Variants in SNTG2 observed in about 807,000 individuals in gnomAD.
SNTG2 encodes syntrophin gamma 2.
SNTG2 carries 74 observed loss-of-function variants against 70.9 expected under a neutral mutation model. The observed-to-expected ratio is 1.04, with a 90% CI of 0.86 to 1.27. The LOEUF (loss-of-function observed/expected upper bound fraction) is 1.27, where lower values mean the gene tolerates loss of function less well. SNTG2 is among the 50% of genes most tolerant of loss of function. The pLI is 0.00. For synonymous variants in SNTG2, 278 were observed against 273.8 expected (o/e 1.02, Z -0.15); for missense variants, 717 against 690.7 (o/e 1.04, Z -0.43).
rs1276166323 is a variant in SNTG2, at chr2:1,203,682, A to G, written c.592-5421A>G. Reference sequence around the variant, plus strand: ...AACAAACAAAAAAAAAAATATATATATATATATATGTGTGTGTGTGTGTGT... The same window carrying G: ...AACAAACAAAAAAAAAAATATATATGTATATATATGTGTGTGTGTGTGTGT... On this transcript the variant is annotated intron_variant, in intron 8 of 16. Coordinates refer to ENST00000308624, the MANE Select transcript of SNTG2 (RefSeq NM_018968.4). 7.6e-5 allele frequency among the ~76,000 whole-genome samples: 11 copies of G among 144,150 alleles called. No homozygotes were observed. In the East Asian group the frequency reaches 2.0e-3, roughly 26 times the overall value. The allele number at this position is 144,150 out of a possible 152,430, so 94.6% of individuals were successfully genotyped here. A position where few individuals can be genotyped will look rare whatever the true frequency, so the allele number is the denominator to read the frequency against.
chr2:1,179,798 G>A (rs538699238), intron 8 of SNTG2, among the ~76,000 whole-genome samples: 2,141 of 144,506 alleles, frequency 0.015, 51 homozygotes, highest in African/African-American at 0.05. Context: ...GAGGCATCAC[G>A]CTACCTGACT....
intron 1 of SNTG2, among the ~76,000 whole-genome samples, chr2:1,000,865 A>G (rs943055922): frequency 7.9e-5 from 12 of 152,008 alleles, no homozygotes; most frequent in African/African-American, 2.9e-4. Flanking sequence ...CAAAATCCTC[A>G]AGAAAGTACT....
intron 13 of SNTG2, among the ~76,000 whole-genome samples, chr2:1,261,644 A>G (rs780765763): frequency 3.9e-5 from 6 of 152,092 alleles, no homozygotes; most frequent in Non-Finnish European, 8.8e-5. Flanking sequence ...CATCCTCTCA[A>G]CCTAAAGATA....
At chr2:960,656 G>T (rs966912932) in intron 1 of SNTG2, among the ~76,000 whole-genome samples, 5 of 150,714 alleles carry the variant, frequency 3.3e-5, no homozygotes, top group African/African-American at 1.2e-4. Flanking sequence ...TCTGAAGGGG[G>T]TGCTCCTACT....
intron 1 of SNTG2, among the ~76,000 whole-genome samples, chr2:962,217 G>C (rs1232035901): frequency 6.6e-6 from 1 of 152,156 alleles, no homozygotes; most frequent in East Asian, 1.9e-4. Flanking sequence ...GGAACCACAG[G>C]CACATGCCAC....
intron 8 of SNTG2, among the ~76,000 whole-genome samples, chr2:1,180,831 A>G (rs1028844382): frequency 1.3e-5 from 2 of 152,072 alleles, no homozygotes; most frequent in African/African-American, 4.8e-5. Flanking sequence ...ATGTCCAACA[A>G]TGATAGACTG....
chr2:1,315,653 C>T (rs919296632), intron 15 of SNTG2, among the ~76,000 whole-genome samples: 3 of 152,030 alleles, frequency 2.0e-5, no homozygotes, highest in African/African-American at 7.3e-5. Flanking sequence ...TCATCTTTAA[C>T]GTACCATAGC....
chr2:1,121,237 C>G lies in SNTG2; in HGVS notation c.326-16385C>G, dbSNP rs566971167. ...ACAACAGAAATACAACCTACCAGAA[C>G]TTCTGGGATGCCGCAAAAACAGTTG... On this transcript the variant is annotated intron_variant, in intron 4 of 16. Transcript: ENST00000308624. Among the ~76,000 whole-genome samples, 6 of 152,114 alleles carry G rather than the reference C, an allele frequency of 3.9e-5. No individual in the cohort carries two copies. In the East Asian group the frequency reaches 1.2e-3, roughly 29 times the overall value.
intron 9 of SNTG2, among the ~76,000 whole-genome samples, chr2:1,219,226 C>T (rs1170723155): frequency 6.6e-6 from 1 of 152,196 alleles, no homozygotes; most frequent in East Asian, 1.9e-4. Context: ...CCTTTGCCTT[C>T]CGCCATGATT....
chr2:1,244,190 G>C (rs958256637), intron 11 of SNTG2, among the ~76,000 whole-genome samples: 1 of 152,184 alleles, frequency 6.6e-6, no homozygotes, highest in Non-Finnish European at 1.5e-5. Context: ...TATTTGTTTC[G>C]TGAATTTTAA....
intron 15 of SNTG2, among the ~76,000 whole-genome samples, 187 bp downstream of exon 15, chr2:1,308,773 G>A (rs1217537486): frequency 1.3e-5 from 2 of 152,216 alleles, no homozygotes; most frequent in African/African-American, 4.8e-5. Flanking sequence ...CACAAGCCCT[G>A]AGGGTGTCTG....
chr2:1,094,695 A>G lies in SNTG2; in HGVS notation c.211-3501A>G, dbSNP rs1406336120. 7.1e-5 allele frequency among the ~76,000 whole-genome samples: 3 copies of G among 42,428 alleles called. 1 individual carries two copies. Among genetic ancestry groups the G allele is most frequent in the African/African-American group, 3.0e-4 (2 of 6,652 alleles). The allele number at this position is 42,428 out of a possible 152,430, so 27.8% of individuals were successfully genotyped here. On this transcript the variant is annotated intron_variant, in intron 2 of 16. Transcript: ENST00000308624. ...GAAGGCCTTATAGGTGTGTCCTCAT[A>G]TGGTAGAGTTACTGGCAAGGGCTGG...
At chr2:1,055,106 T>G (rs1359790111) in intron 1 of SNTG2, among the ~76,000 whole-genome samples, 1 of 152,216 alleles carries the variant, frequency 6.6e-6, no homozygotes, top group Non-Finnish European at 1.5e-5. Context: ...CTGCTGTGTG[T>G]TGCTATAAAT....
At chr2:1,266,247 C>T (rs905050115) in intron 13 of SNTG2, among the ~76,000 whole-genome samples, 2 of 152,226 alleles carry the variant, frequency 1.3e-5, no homozygotes, top group Admixed American at 6.5e-5. Context: ...CACCATGCAC[C>T]TCCATGCTGT....
chr2:1,279,746 G>C (rs1466378698), intron 14 of SNTG2, among the ~76,000 whole-genome samples: 1 of 152,170 alleles, frequency 6.6e-6, no homozygotes, highest in Non-Finnish European at 1.5e-5. Context: ...CCTAACCCAG[G>C]GTGACCCTCT....
intron 12 of SNTG2, among the ~76,000 whole-genome samples, chr2:1,249,233 A>C (rs1204911792): frequency 6.6e-6 from 1 of 152,222 alleles, no homozygotes; most frequent in African/African-American, 2.4e-5. Context: ...CTGTTTTATC[A>C]TGGAGACCTA....
intron 8 of SNTG2, among the ~76,000 whole-genome samples, chr2:1,175,278 C>A (rs1241090439): frequency 2.0e-5 from 3 of 152,148 alleles, no homozygotes; most frequent in Non-Finnish European, 4.4e-5. Context: ...GCTGCTGAGA[C>A]CTCTGTTGTA....
intron 1 of SNTG2, among the ~76,000 whole-genome samples, chr2:1,065,474 C>G (rs1018331907): frequency 6.6e-6 from 1 of 152,102 alleles, no homozygotes; most frequent in Non-Finnish European, 1.5e-5. Context: ...TGAGGTCAAA[C>G]GAGTAAATTT....
chr2:1,018,473 G>A (rs1659981485), intron 1 of SNTG2, among the ~76,000 whole-genome samples: 1 of 152,116 alleles, frequency 6.6e-6, no homozygotes, highest in Non-Finnish European at 1.5e-5. Context: ...GCAAAAGATG[G>A]GGCCTTGGTG....
Sources: allele counts gnomAD v4.1 joint callset (sites outside exome capture counted in the v4.1 genomes callset), GRCh38; gene constraint gnomAD v4.1.1; transcripts MANE v1.5; gene names NCBI Gene and HGNC (gene_info 2026-07-23, HGNC 2026-07-21).